The following MARCHF8 variants were observed in gnomAD, a reference collection of about 807,000 sequenced individuals.
MARCHF8 encodes the protein E3 ubiquitin-protein ligase MARCHF8.
A neutral mutation model predicts 51.6 loss-of-function variants in MARCHF8; 40 were observed. The ratio of observed to expected loss-of-function variants is 0.77; its 90% CI spans 0.60 to 1.01. The LOEUF is 1.01. MARCHF8 is among the 50% of genes least tolerant of loss of function. The pLI, the probability that MARCHF8 is intolerant of heterozygous loss-of-function variation, is 0.00. For synonymous variants in MARCHF8, 263 were observed against 280.3 expected, an observed-to-expected ratio of 0.94 and a Z score of 0.62; for missense variants, 685 against 708.6, an observed-to-expected ratio of 0.97 and a Z score of 0.38.
chr10:45,569,064 CA>C (rs71023131), intron 1 of MARCHF8, among the ~76,000 whole-genome samples: 958 of 64,414 alleles, frequency 0.015, 7 homozygotes, highest in African/African-American at 0.033. Flanking sequence ...GACTCCATCT[CA>C]AAAAAAAAAA....
At chr10:45,500,934 C>A (rs1158963624) in intron 2 of MARCHF8, among the ~76,000 whole-genome samples, 1 of 151,414 alleles carries the variant, frequency 6.6e-6, no homozygotes, top group Non-Finnish European at 1.5e-5. Context: ...TATTATAGAG[C>A]CACTCTAAAA....
chr10:45,565,950 C>A (rs1458323861), intron 1 of MARCHF8, among the ~76,000 whole-genome samples: 3 of 152,154 alleles, frequency 2.0e-5, no homozygotes, highest in African/African-American at 7.2e-5. Flanking sequence ...CACTACAATT[C>A]TTGTCTGAGT....
At chr10:45,475,909 T>G (rs2042778965) in intron 3 of MARCHF8, among the ~76,000 whole-genome samples, 1 of 152,124 alleles carries the variant, frequency 6.6e-6, no homozygotes, top group Non-Finnish European at 1.5e-5. Context: ...AAAACCTCAC[T>G]ACAGCCTCCA....
intron 2 of MARCHF8, among the ~76,000 whole-genome samples, chr10:45,522,843 G>A (rs1330568172): frequency 1.3e-5 from 2 of 152,308 alleles, no homozygotes; most frequent in Non-Finnish European, 2.9e-5. Flanking sequence ...TGCAAAAGTG[G>A]TATGGAAGAT....
At chr10:45,519,820 C>A (rs1314103106) in intron 2 of MARCHF8, among the ~76,000 whole-genome samples, 4 of 152,090 alleles carry the variant, frequency 2.6e-5, no homozygotes, top group African/African-American at 9.7e-5. Context: ...AGAGGAAGGA[C>A]AAAGAAAACA....
intron 2 of MARCHF8, among the ~76,000 whole-genome samples, chr10:45,516,772 A>C (rs1239619833): frequency 2.6e-5 from 4 of 152,166 alleles, no homozygotes; most frequent in Admixed American, 2.6e-4. Context: ...TCAAAAAAAA[A>C]AGAATCAAGT....
intron 1 of MARCHF8, among the ~76,000 whole-genome samples, chr10:45,554,792 C>T (rs1321020856): frequency 2.0e-5 from 3 of 152,136 alleles, no homozygotes; most frequent in African/African-American, 7.2e-5. Context: ...TGGTTGCCCA[C>T]ACCTGTAATC....
chr10:45,548,536 G>T (rs2044155178), intron 1 of MARCHF8, among the ~76,000 whole-genome samples: 1 of 152,106 alleles, frequency 6.6e-6, no homozygotes, highest in Admixed American at 6.5e-5. Flanking sequence ...GGGAAATTAT[G>T]GAATAGCCAC....
chr10:45,517,990 A>G (rs12781186), intron 2 of MARCHF8, among the ~76,000 whole-genome samples: 9,395 of 152,272 alleles, frequency 0.062, 332 homozygotes, highest in Non-Finnish European at 0.066. Flanking sequence ...TTAGCAATCT[A>G]TGTTTCTTGA....
chr10:45,458,489 G>A lies in MARCHF8; in HGVS notation c.1472C>T (p.Thr491Ile), dbSNP rs1842682097. Residue 491 changes from threonine to isoleucine, a missense_variant, in exon 8 of 8, where the codon ACC becomes ATC. Thr to Ile is a moderately conservative substitution (Grantham distance 89, BLOSUM62 -1). Coordinates refer to ENST00000453424, the MANE Select transcript of MARCHF8 (RefSeq NM_001282866.2). ...TKLVVVAIGF[T>I]GGLLFMYVQC... is the part of the protein sequence containing the mutation. ...AACATACATAAAAAGAAGTCCTCCG[G>A]TGAAGCCGATGGCCACAACCACCAA... is the stretch of plus-strand genomic sequence containing the variant. The A allele has an allele frequency of 1.9e-6, 3 of 1,611,860 alleles. No homozygotes were observed. The highest frequency in any genetic ancestry group is 2.5e-6 in the Non-Finnish European group (3 of 1,179,336).
At chr10:45,592,337 G>A (rs1410657122) in intron 1 of MARCHF8, among the ~76,000 whole-genome samples, 3 of 152,006 alleles carry the variant, frequency 2.0e-5, no homozygotes, top group Non-Finnish European at 4.4e-5. Context: ...TATTCACAGG[G>A]AACAAAATTA....
intron 1 of MARCHF8, among the ~76,000 whole-genome samples, chr10:45,574,564 G>A (rs1475428343): frequency 6.6e-6 from 1 of 152,100 alleles, no homozygotes; most frequent in Non-Finnish European, 1.5e-5. Flanking sequence ...GGGCTGTACT[G>A]CCACAAGGCT....
intron 1 of MARCHF8, among the ~76,000 whole-genome samples, chr10:45,551,078 C>T (rs896217029): frequency 3.3e-5 from 5 of 152,170 alleles, no homozygotes; most frequent in African/African-American, 1.2e-4. Flanking sequence ...CGAGGAAACA[C>T]TCAGAGAGGT....
intron 2 of MARCHF8, among the ~76,000 whole-genome samples, chr10:45,510,930 C>T (rs1157110263): frequency 2.6e-5 from 4 of 152,158 alleles, no homozygotes; most frequent in Non-Finnish European, 5.9e-5. Flanking sequence ...GAATATGTTG[C>T]CCTGCTTAGC....
rs187543002 is a variant in MARCHF8 at position 45,483,914 on chromosome 10, A to G, written c.153+5453T>C. Among the ~76,000 whole-genome samples the G allele has an allele frequency of 1.7e-4, 26 of 152,292 alleles. No homozygotes were observed. The East Asian group carries it at 4.0e-3, about 24-fold the overall frequency. On this transcript the variant is annotated intron_variant, in intron 3 of 7. Coordinates refer to ENST00000453424, the MANE Select transcript of MARCHF8 (RefSeq NM_001282866.2). ...TGGGAAGGGTGTGCATGGAGGCAGGAGTGGGGGATAAAGAGAGATTGGTTA... is the reference window on the plus strand; with the variant it reads ...TGGGAAGGGTGTGCATGGAGGCAGGGGTGGGGGATAAAGAGAGATTGGTTA...
At chr10:45,575,589 G>T (rs370212932) in intron 1 of MARCHF8, among the ~76,000 whole-genome samples, 1 of 151,764 alleles carries the variant, frequency 6.6e-6, no homozygotes, top group South Asian at 2.1e-4. Context: ...TCCTAATCCC[G>T]CCCTGAGAAA....
chr10:45,520,227 G>A (rs2043685336), intron 2 of MARCHF8, among the ~76,000 whole-genome samples: 1 of 152,176 alleles, frequency 6.6e-6, no homozygotes. Flanking sequence ...CTGGCTCACA[G>A]TAAATGATAT....
At chr10:45,472,704 T>A (rs1034561541) in intron 3 of MARCHF8, among the ~76,000 whole-genome samples, 8 of 152,226 alleles carry the variant, frequency 5.3e-5, no homozygotes, top group African/African-American at 2.4e-5. Flanking sequence ...CCCTTCCACC[T>A]TCAGGAGACT....
chr10:45,528,070 T>A (rs1015292807), intron 2 of MARCHF8, among the ~76,000 whole-genome samples: 1 of 152,112 alleles, frequency 6.6e-6, no homozygotes, highest in Non-Finnish European at 1.5e-5. Flanking sequence ...TAAAAACCAC[T>A]CAACAACTTG....
Sources: allele counts gnomAD v4.1 joint callset (sites outside exome capture counted in the v4.1 genomes callset), GRCh38; gene constraint gnomAD v4.1.1; transcripts MANE v1.5; gene names NCBI Gene and HGNC (gene_info 2026-07-23, HGNC 2026-07-21).